TBCK: variants seen among roughly 807,000 people sequenced by gnomAD.
The protein encoded by TBCK is TBC1 domain containing kinase.
Under a neutral mutation model 113.4 loss-of-function variants are expected in TBCK, and 99 were observed. That is an observed-to-expected ratio of 0.87 (90% CI 0.74 to 1.03). The LOEUF is 1.03. Ranked by LOEUF, TBCK falls within the 50% of genes least tolerant of loss-of-function variation. The probability of loss-of-function intolerance (pLI) is 0.00; values close to 1 mark genes in which losing one functional copy is unlikely to be tolerated. For missense variants in TBCK, 1,045 were observed against 1,061.3 expected (o/e 0.98, Z 0.21); for synonymous variants, 369 against 370.8 (o/e 1.00, Z 0.05).
intron 19 of TBCK, among the ~76,000 whole-genome samples, chr4:106,216,506 T>C (rs1756943238): frequency 6.6e-6 from 1 of 151,730 alleles, no homozygotes; most frequent in East Asian, 1.9e-4. Flanking sequence ...AAGAATCAAA[T>C]AGACGCAATA....
upstream of TBCK, chr4:106,316,457 A>C (rs1476558599): frequency 1.3e-5 from 16 of 1,279,000 alleles, no homozygotes; most frequent in Admixed American, 2.0e-5. Flanking sequence ...GAAAGAATTG[A>C]GGGTTGAATC....
At chr4:106,302,333 A>G (rs1345822270) in intron 2 of TBCK, among the ~76,000 whole-genome samples, 1 of 152,176 alleles carries the variant, frequency 6.6e-6, no homozygotes, top group African/African-American at 2.4e-5. Flanking sequence ...CAGTAGAACG[A>G]TTACAGTTTC....
chr4:106,300,113 T>C (rs1253049348), intron 2 of TBCK, among the ~76,000 whole-genome samples: 1 of 152,212 alleles, frequency 6.6e-6, no homozygotes, highest in Non-Finnish European at 1.5e-5. Context: ...GGAGTTTCCT[T>C]GCACAAGTTC....
chr4:106,248,327 ATAAT>A (rs1279990125), intron 8 of TBCK, 21 bp from the exon 9 acceptor site: 5 of 1,481,172 alleles, frequency 3.4e-6, no homozygotes, highest in South Asian at 2.5e-5. Context: ...AAGAGAGAAA[ATAAT>A]TAATTAAAAT....
At chr4:106,251,226 C>G (rs761105636) in intron 6 of TBCK, 4 of 251,760 alleles carry the variant, frequency 1.6e-5, no homozygotes, top group Non-Finnish European at 3.3e-5. Context: ...TGTACATATA[C>G]CACAGGTTAT....
intron 2 of TBCK, among the ~76,000 whole-genome samples, chr4:106,305,852 A>G (rs1264001175): frequency 6.6e-6 from 1 of 152,214 alleles, no homozygotes; most frequent in Non-Finnish European, 1.5e-5. Context: ...ACCAGTTTAC[A>G]AATTCCAAGG....
chr4:106,101,225 A>T (rs1741510959), intron 24 of TBCK, among the ~76,000 whole-genome samples: 1 of 152,158 alleles, frequency 6.6e-6, no homozygotes, highest in Admixed American at 6.5e-5. Context: ...GGGGTCATGG[A>T]TGGTTCTCAC....
At chr4:106,145,179 G>A (rs1238092077) in intron 23 of TBCK, among the ~76,000 whole-genome samples, 1 of 152,060 alleles carries the variant, frequency 6.6e-6, no homozygotes, top group Non-Finnish European at 1.5e-5. Context: ...TTAGCTGGGA[G>A]TGGTCGCGTG....
intron 20 of TBCK, 40 bp downstream of exon 20, chr4:106,212,710 T>G: frequency 6.9e-7 from 1 of 1,444,810 alleles, no homozygotes; most frequent in Non-Finnish European, 9.6e-7. Flanking sequence ...TCTGCTTTTT[T>G]TTTTTAACCA....
chr4:106,148,778 T>C (rs923166012), intron 23 of TBCK, among the ~76,000 whole-genome samples: 1 of 152,186 alleles, frequency 6.6e-6, no homozygotes, highest in Non-Finnish European at 1.5e-5. Flanking sequence ...GAGTATTAGC[T>C]TCAACTGAAA....
At chr4:106,124,298 G>C (rs1744863636) in intron 23 of TBCK, among the ~76,000 whole-genome samples, 3 of 152,310 alleles carry the variant, frequency 2.0e-5, no homozygotes, top group Non-Finnish European at 2.9e-5. Context: ...AAACCACAAT[G>C]AGATACCATC....
At chr4:106,190,906 A>AAC (rs1236440488) in intron 22 of TBCK, among the ~76,000 whole-genome samples, 1 of 152,042 alleles carries the variant, frequency 6.6e-6, no homozygotes, top group African/African-American at 2.4e-5. Flanking sequence ...ACGCCCGTCT[A>AAC]ATTTGTTGTA....
intron 20 of TBCK, among the ~76,000 whole-genome samples, chr4:106,207,049 C>T (rs527935435): frequency 6.6e-6 from 1 of 152,274 alleles, no homozygotes; most frequent in Admixed American, 6.5e-5. Flanking sequence ...TTCCTGATCT[C>T]ATTTTAAATG....
At chr4:106,230,913 A>T (rs1455763296) in intron 18 of TBCK, among the ~76,000 whole-genome samples, 1 of 151,854 alleles carries the variant, frequency 6.6e-6, no homozygotes, top group Non-Finnish European at 1.5e-5. Context: ...GGCTATGCCT[A>T]ACTAAACATA....
At chr4:106,215,931 C>A (rs1223724942) in intron 19 of TBCK, among the ~76,000 whole-genome samples, 6 of 149,752 alleles carry the variant, frequency 4.0e-5, no homozygotes, top group Non-Finnish European at 8.9e-5. Context: ...CAGCACCACA[C>A]CACACCTATT....
intron 24 of TBCK, among the ~76,000 whole-genome samples, chr4:106,105,328 C>T (rs139051750): frequency 6.6e-6 from 1 of 152,194 alleles, no homozygotes; most frequent in Non-Finnish European, 1.5e-5. Flanking sequence ...GGGGCGGAGC[C>T]CCCAGGAGTC....
Position 106,281,847 on chromosome 4 carries a change from A to G in TBCK, c.266+13247T>C, listed in dbSNP as rs1201181821. Among the ~76,000 whole-genome samples, 3 of 151,936 alleles carry G rather than the reference A, an allele frequency of 2.0e-5. No individual in the cohort carries two copies. In the East Asian group the frequency reaches 5.8e-4, roughly 29 times the overall value. On this transcript the variant is annotated intron_variant, in intron 3 of 25. Transcript: ENST00000394708. ...AGTTTTGCATCAATGATTTTCAGGG[A>G]TATTGGCCTGTAGTTTTCTTTCTTT...
chr4:106,277,491 C>G (rs1451669258), intron 3 of TBCK, among the ~76,000 whole-genome samples: 2 of 152,028 alleles, frequency 1.3e-5, no homozygotes, highest in African/African-American at 4.8e-5. Flanking sequence ...TTATAAAACA[C>G]AATACAACTC....
chr4:106,075,642 G>C (rs1738097164), intron 25 of TBCK, among the ~76,000 whole-genome samples: 2 of 152,158 alleles, frequency 1.3e-5, no homozygotes, highest in African/African-American at 4.8e-5. Flanking sequence ...TGAAAGAAAT[G>C]AGTTACCTAT....
Sources: gnomAD v4.1 joint callset for allele counts (sites outside exome capture counted in the v4.1 genomes callset) on GRCh38, gnomAD v4.1.1 for gene constraint, MANE v1.5 for transcripts, NCBI Gene and HGNC (gene_info 2026-07-23, HGNC 2026-07-21) for gene names.